Variants in ANKRD13C observed in about 807,000 individuals in gnomAD.
ANKRD13C encodes the protein ankyrin repeat domain 13C.
Under a neutral mutation model 65.5 loss-of-function variants are expected in ANKRD13C, and 16 were observed. The ratio of observed to expected loss-of-function variants is 0.24; its 90% CI spans 0.17 to 0.37. The LOEUF is 0.37. ANKRD13C is among the 10% of genes least tolerant of loss of function. The probability of loss-of-function intolerance (pLI) is 1.00; values close to 1 mark genes in which losing one functional copy is unlikely to be tolerated. For missense variants in ANKRD13C, 503 were observed against 655.9 expected (o/e 0.77, Z 2.55); for synonymous variants, 235 against 238.7 (o/e 0.98, Z 0.14).
chr1:70,296,264 G>T lies in ANKRD13C; in HGVS notation c.922-3C>A, dbSNP rs750338159. On this transcript the variant is annotated splice_polypyrimidine_tract_variant and splice_region_variant and intron_variant, in intron 7 of 12. Coordinates refer to ENST00000370944, the MANE Select transcript of ANKRD13C (RefSeq NM_030816.5). ...TCTTCTGTTTCCATCTCTGATTCCTGGGATGTGAGCAAAAGTTAAATATAA... is the reference window on the plus strand; with the variant it reads ...TCTTCTGTTTCCATCTCTGATTCCTTGGATGTGAGCAAAAGTTAAATATAA... 3 of 1,610,230 alleles carry T rather than the reference G, an allele frequency of 1.9e-6. No individual in the cohort carries two copies. The Admixed American group carries it at 5.0e-5, about 27-fold the overall frequency.
intron 9 of ANKRD13C, among the ~76,000 whole-genome samples, chr1:70,278,898 G>A (rs749650595): frequency 9.2e-5 from 14 of 152,020 alleles, no homozygotes; most frequent in Admixed American, 2.0e-4. Flanking sequence ...TGGAGATAAC[G>A]TATATAAAAA....
intron 9 of ANKRD13C, among the ~76,000 whole-genome samples, chr1:70,280,976 C>T (rs1679360875): frequency 6.6e-6 from 1 of 151,924 alleles, no homozygotes; most frequent in African/African-American, 2.4e-5. Context: ...ATAGAGATAA[C>T]AGGAAAGCTA....
chr1:70,264,391 G>T (rs1678516957), intron 12 of ANKRD13C, among the ~76,000 whole-genome samples: 1 of 147,476 alleles, frequency 6.8e-6, no homozygotes, highest in Admixed American at 7.0e-5. Context: ...CGGGAGAATC[G>T]CTTGAACCCA....
chr1:70,347,617 G>A (rs964169566), intron 1 of ANKRD13C, among the ~76,000 whole-genome samples: 2 of 152,174 alleles, frequency 1.3e-5, no homozygotes, highest in African/African-American at 4.8e-5. Context: ...CTGCAGATGT[G>A]TTCTTATCAC....
chr1:70,274,626 G>C (rs1679051372), intron 11 of ANKRD13C, 94 bp downstream of exon 11: 1 of 903,274 alleles, frequency 1.1e-6, no homozygotes, highest in African/African-American at 1.7e-5. Flanking sequence ...TCATTTCAAA[G>C]GTCTCAAATG....
At chr1:70,292,689 T>C (rs1679911540) in intron 8 of ANKRD13C, 140 bp from the exon 9 acceptor site, 2 of 638,468 alleles carry the variant, frequency 3.1e-6, no homozygotes, top group Admixed American at 3.5e-5. Context: ...CTATCTTACA[T>C]TTTCTAGGTT....
intron 9 of ANKRD13C, among the ~76,000 whole-genome samples, chr1:70,279,500 C>CTTTTTTTTTTT (rs757385338): frequency 9.9e-6 from 1 of 101,280 alleles, no homozygotes; most frequent in Admixed American, 1.1e-4. Context: ...TTTTGAGCTA[C>CTTTTTTTTTTT]TTTTTTTTTT....
chr1:70,268,673 A>G (rs561075298), intron 12 of ANKRD13C, among the ~76,000 whole-genome samples: 26 of 152,244 alleles, frequency 1.7e-4, no homozygotes, highest in African/African-American at 6.3e-4. Flanking sequence ...AAGGAAGTAA[A>G]AATCATCTGC....
At chr1:70,284,084 A>G (rs1679518498) in intron 9 of ANKRD13C, among the ~76,000 whole-genome samples, 1 of 151,966 alleles carries the variant, frequency 6.6e-6, no homozygotes, top group Admixed American at 6.6e-5. Flanking sequence ...GAAGGAAGAG[A>G]AAAAAAAGCA....
chr1:70,296,334 T>C (rs1003825381), intron 7 of ANKRD13C, 73 bp from the exon 8 acceptor site: 2 of 1,434,046 alleles, frequency 1.4e-6, no homozygotes, highest in African/African-American at 2.9e-5. Context: ...TATGAAAATA[T>C]CAACAATTAT....
intron 5 of ANKRD13C, among the ~76,000 whole-genome samples, chr1:70,310,128 T>G (rs1287141689): frequency 1.3e-5 from 2 of 152,194 alleles, no homozygotes; most frequent in Non-Finnish European, 2.9e-5. Context: ...TTCAGTTACC[T>G]TCAAACTTGT....
intron 5 of ANKRD13C, among the ~76,000 whole-genome samples, chr1:70,308,738 CA>C (rs781171233): frequency 1.2e-3 from 87 of 74,170 alleles, no homozygotes; most frequent in East Asian, 2.0e-3. Context: ...GACTCCGTCT[CA>C]AAAAAAAAAA....
chr1:70,324,710 A>G, intron 3 of ANKRD13C, 143 bp downstream of exon 3: 1 of 503,768 alleles, frequency 2.0e-6, no homozygotes, highest in Non-Finnish European at 3.4e-6. Context: ...TCAAGTTCCT[A>G]AGTCATGAAT....
chr1:70,331,641 A>T (rs1455384662), intron 2 of ANKRD13C, among the ~76,000 whole-genome samples: 1 of 152,000 alleles, frequency 6.6e-6, no homozygotes, highest in Non-Finnish European at 1.5e-5. Flanking sequence ...CAGGAGTTTG[A>T]GACCAGCCTG....
At chr1:70,315,135 C>CA (rs937773466) in intron 4 of ANKRD13C, among the ~76,000 whole-genome samples, 12 of 151,462 alleles carry the variant, frequency 7.9e-5, no homozygotes, top group South Asian at 4.2e-4. Flanking sequence ...AACAAACAAA[C>CA]AAAAAAAACT....
chr1:70,307,446 TA>T (rs954922478), intron 5 of ANKRD13C, among the ~76,000 whole-genome samples: 4 of 151,916 alleles, frequency 2.6e-5, no homozygotes, highest in African/African-American at 4.8e-5. Flanking sequence ...ATTTTTAAAA[TA>T]AAAAAAATTT....
intron 9 of ANKRD13C, among the ~76,000 whole-genome samples, chr1:70,290,945 A>C (rs754071157): frequency 1.3e-5 from 2 of 152,188 alleles, no homozygotes; most frequent in African/African-American, 4.8e-5. Context: ...GGCCCACTAA[A>C]TTAATTTCTT....
chr1:70,268,441 C>A (rs551731567), intron 12 of ANKRD13C, among the ~76,000 whole-genome samples: 1 of 152,244 alleles, frequency 6.6e-6, no homozygotes, highest in South Asian at 2.1e-4. Context: ...GGATTACAGG[C>A]GTCAGCCACT....
At chr1:70,307,632 A>G (rs926050939) in intron 5 of ANKRD13C, among the ~76,000 whole-genome samples, 1 of 152,168 alleles carries the variant, frequency 6.6e-6, no homozygotes, top group East Asian at 1.9e-4. Flanking sequence ...GAAATAATGT[A>G]AGAAATCTTC....
Sources: allele counts gnomAD v4.1 joint callset (sites outside exome capture counted in the v4.1 genomes callset), GRCh38; gene constraint gnomAD v4.1.1; transcripts MANE v1.5; gene names NCBI Gene and HGNC (gene_info 2026-07-23, HGNC 2026-07-21).